Variants in THSD4 observed in about 807,000 individuals in gnomAD.
The protein encoded by THSD4 is thrombospondin type 1 domain containing 4.
THSD4 carries 69 observed loss-of-function variants against 119.0 expected under a neutral mutation model. That is an observed-to-expected ratio of 0.58 (90% CI 0.48 to 0.71). The LOEUF (loss-of-function observed/expected upper bound fraction) is 0.71, where lower values mean the gene tolerates loss of function less well. Ranked by LOEUF, THSD4 falls within the 30% of genes least tolerant of loss-of-function variation. THSD4 has a pLI of 0.00. For missense variants in THSD4, 1,393 were observed against 1,391.1 expected, an observed-to-expected ratio of 1.00 and a Z score of -0.02; for synonymous variants, 524 against 540.4, an observed-to-expected ratio of 0.97 and a Z score of 0.42.
intron 7 of THSD4, among the ~76,000 whole-genome samples, chr15:71,508,173 G>T (rs959045452): frequency 6.6e-6 from 1 of 152,158 alleles, no homozygotes; most frequent in Non-Finnish European, 1.5e-5. Flanking sequence ...CAGCCCTTCA[G>T]GAGTTTGCAC....
rs369414659 is a variant in THSD4, at chr15:71,578,315, C to T, written c.1153-82215C>T. 1.2e-3 allele frequency among the ~76,000 whole-genome samples: 177 copies of T among 152,010 alleles called. 3 individuals are homozygous for T. Among genetic ancestry groups the T allele is most frequent in the South Asian group, 9.8e-3 (47 of 4,808 alleles). ...GCTAGCACCAACATCTGGCTGAGTG[C>T]CCTTCTTAACAGGTGACTCGAGGTT... On this transcript the variant is annotated intron_variant, in intron 7 of 17. Coordinates refer to ENST00000261862, the MANE Select transcript of THSD4 (RefSeq NM_024817.3).
At chr15:71,534,666 G>A (rs991116571) in intron 7 of THSD4, among the ~76,000 whole-genome samples, 1 of 151,758 alleles carries the variant, frequency 6.6e-6, no homozygotes, top group Non-Finnish European at 1.5e-5. Context: ...GCATTTTATG[G>A]CCTACTTTTT....
chr15:71,319,791 G>A (rs1237694105), intron 6 of THSD4, among the ~76,000 whole-genome samples: 2 of 152,124 alleles, frequency 1.3e-5, no homozygotes, highest in Non-Finnish European at 2.9e-5. Flanking sequence ...CCTGTTAAAA[G>A]TCAGTTAGGA....
At chr15:71,289,765 T>G (rs1286197841) in intron 6 of THSD4, among the ~76,000 whole-genome samples, 1 of 152,196 alleles carries the variant, frequency 6.6e-6, no homozygotes, top group Non-Finnish European at 1.5e-5. Flanking sequence ...AACCCTCATC[T>G]AGGGCTTATT....
chr15:71,381,327 A>G (rs563881784), intron 6 of THSD4, among the ~76,000 whole-genome samples: 6 of 152,352 alleles, frequency 3.9e-5, no homozygotes, highest in South Asian at 2.1e-4. Flanking sequence ...ATTTGGATCA[A>G]TCTTATGAAG....
intron 7 of THSD4, among the ~76,000 whole-genome samples, chr15:71,524,227 G>T (rs1010856001): frequency 6.6e-6 from 1 of 152,368 alleles, no homozygotes; most frequent in Middle Eastern, 3.4e-3. Context: ...ACCCCTGCCA[G>T]CCTTAAAGAT....
At chr15:71,098,884 T>C (rs2040242795) in intron 1 of THSD4, among the ~76,000 whole-genome samples, 1 of 152,226 alleles carries the variant, frequency 6.6e-6, no homozygotes, top group Non-Finnish European at 1.5e-5. Flanking sequence ...GCAGAAAATA[T>C]TGGATTTTGT....
rs28441089 is a variant in THSD4 at position 71,335,876 on chromosome 15, A to G, written c.1016-75811A>G. ...AACCCACAAAATCAAAGCCCCAAAC[A>G]GATGCTGGAGATTATTTCACACTTG... On this transcript the variant is annotated intron_variant, in intron 6 of 17. Coordinates refer to ENST00000261862, the MANE Select transcript of THSD4 (RefSeq NM_024817.3). Among the ~76,000 whole-genome samples, 569 of 152,278 alleles carry G rather than the reference A, an allele frequency of 3.7e-3. 3 individuals carry two copies. The highest frequency in any genetic ancestry group is 0.011 in the African/African-American group (474 of 41,560).
intron 7 of THSD4, among the ~76,000 whole-genome samples, chr15:71,564,835 GTATAT>G (rs71918482): frequency 0.37 from 4,446 of 11,864 alleles, 731 homozygotes; most frequent in African/African-American, 0.54. Context: ...ACTATATATT[GTATAT>G]TATAACATAT....
Position 71,392,245 on chromosome 15 carries a change from G to A in THSD4, c.1016-19442G>A, listed in dbSNP as rs528328976. Among the ~76,000 whole-genome samples, 33 of 152,294 alleles carry A rather than the reference G, an allele frequency of 2.2e-4. 1 individual carries two copies. In the South Asian group the frequency reaches 6.8e-3, roughly 32 times the overall value. Reference sequence around the variant, plus strand: ...TTTCCATGTCTGCAATTCTTATAAAGCTTCCAAATGCAGACATTCCCCTAC... The same window carrying A: ...TTTCCATGTCTGCAATTCTTATAAAACTTCCAAATGCAGACATTCCCCTAC... On this transcript the variant is annotated intron_variant, in intron 6 of 17. Coordinates refer to ENST00000261862, the MANE Select transcript of THSD4 (RefSeq NM_024817.3).
chr15:71,385,091 G>A (rs2046278841), intron 6 of THSD4, among the ~76,000 whole-genome samples: 1 of 152,082 alleles, frequency 6.6e-6, no homozygotes, highest in South Asian at 2.1e-4. Flanking sequence ...GCCTATAGCT[G>A]GATCCAGTCC....
chr15:71,741,551 G>C (rs1035259833), intron 11 of THSD4, among the ~76,000 whole-genome samples: 2 of 152,108 alleles, frequency 1.3e-5, no homozygotes, highest in Non-Finnish European at 2.9e-5. Context: ...ATTTCCATAT[G>C]ATTTTGTTTA....
chr15:71,349,599 A>C (rs1566950155), intron 6 of THSD4, among the ~76,000 whole-genome samples: 1 of 152,178 alleles, frequency 6.6e-6, no homozygotes, highest in Non-Finnish European at 1.5e-5. Context: ...CACCTCTGGG[A>C]GGTAGCATTC....
intron 3 of THSD4, chr15:71,164,972 G>T (rs528457711): frequency 1.7e-5 from 27 of 1,595,790 alleles, no homozygotes; most frequent in Non-Finnish European, 2.1e-5. Flanking sequence ...CTTCAGCTTC[G>T]CAGCCTTCTT....
At chr15:71,205,870 T>TC (rs66525229) in intron 3 of THSD4, among the ~76,000 whole-genome samples, 15 of 19,138 alleles carry the variant, frequency 7.8e-4, no homozygotes, top group Non-Finnish European at 1.4e-3. Flanking sequence ...GGAGATTCTC[T>TC]TTTTTTTTTT....
intron 6 of THSD4, among the ~76,000 whole-genome samples, chr15:71,363,659 A>G (rs961742987): frequency 1.3e-5 from 2 of 152,250 alleles, no homozygotes; most frequent in Admixed American, 1.3e-4. Flanking sequence ...TGAGGGAACC[A>G]GTATGATGTT....
At chr15:71,157,662 C>T (rs1469533596) in intron 3 of THSD4, among the ~76,000 whole-genome samples, 2 of 138,064 alleles carry the variant, frequency 1.4e-5, no homozygotes, top group South Asian at 2.3e-4. Context: ...GTTCTCCTTT[C>T]TGCTTCTATA....
intron 6 of THSD4, among the ~76,000 whole-genome samples, chr15:71,283,775 T>C (rs1181601883): frequency 1.3e-5 from 2 of 152,188 alleles, no homozygotes; most frequent in Admixed American, 1.3e-4. Flanking sequence ...TTTTTAAAAT[T>C]CATATTTCTA....
chr15:71,458,636 A>G (rs925545788), intron 7 of THSD4, among the ~76,000 whole-genome samples: 1 of 152,328 alleles, frequency 6.6e-6, no homozygotes, highest in East Asian at 1.9e-4. Context: ...GTAAGGTACC[A>G]AAAGTACTTC....
Sources: gnomAD v4.1 joint callset for allele counts (sites outside exome capture counted in the v4.1 genomes callset) on GRCh38, gnomAD v4.1.1 for gene constraint, MANE v1.5 for transcripts, NCBI Gene and HGNC (gene_info 2026-07-23, HGNC 2026-07-21) for gene names.